The following MYO1A variants were observed in gnomAD, a reference collection of about 807,000 sequenced individuals.
MYO1A encodes myosin IA.
Under a neutral mutation model 138.5 loss-of-function variants are expected in MYO1A, and 127 were observed. The observed-to-expected ratio is 0.92, with a 90% CI of 0.79 to 1.06. MYO1A has a LOEUF of 1.06. Among genes scored for constraint, MYO1A ranks in the 50% least tolerant of loss-of-function variants. The pLI is 0.00. For synonymous variants in MYO1A, 477 were observed against 497.5 expected, an observed-to-expected ratio of 0.96 and a Z score of 0.55; for missense variants, 1,211 against 1,288.8, an observed-to-expected ratio of 0.94 and a Z score of 0.92.
At chr12:57,044,351 T>C in intron 8 of MYO1A, 142 bp from the exon 9 acceptor site, 1 of 714,170 alleles carries the variant, frequency 1.4e-6, no homozygotes, top group Non-Finnish European at 2.5e-6. Context: ...TTCCCCTGCC[T>C]CCTTTGTTTT....
chr12:57,034,363 T>C (rs1172010606), intron 22 of MYO1A, among the ~76,000 whole-genome samples: 4 of 152,320 alleles, frequency 2.6e-5, no homozygotes, highest in African/African-American at 2.4e-5. Flanking sequence ...GCTTAATGCA[T>C]AGTAGATGTT....
At position 57,028,855 on chromosome 12, in the gene MYO1A, CTG is replaced by C; in HGVS notation, c.3030_3031del (p.Asn1010LysfsTer14). On this transcript the variant is annotated frameshift_variant, in exon 28 of 28. Transcript: ENST00000300119. LOFTEE classifies it high-confidence loss of function. ...GCCCTGGACGACCTTGACAGCCACACTGTTCTCCTTGAACCTCACTGAGAACC... is the reference window on the plus strand; with the variant it reads ...GCCCTGGACGACCTTGACAGCCACACTTCTCCTTGAACCTCACTGAGAACC... 1.2e-6 allele frequency: 2 copies of C among 1,614,116 alleles called. No individual in the cohort carries two copies. The highest frequency in any genetic ancestry group is 1.7e-6 in the Non-Finnish European group (2 of 1,180,010).
At chr12:57,034,351 G>A (rs2030428697) in intron 22 of MYO1A, among the ~76,000 whole-genome samples, 1 of 152,224 alleles carries the variant, frequency 6.6e-6, no homozygotes, top group African/African-American at 2.4e-5. Context: ...TGCATGTAAA[G>A]AGCTTAATGC....
At chr12:57,033,779 T>G (rs2030400844) in intron 22 of MYO1A, among the ~76,000 whole-genome samples, 1 of 152,138 alleles carries the variant, frequency 6.6e-6, no homozygotes, top group Non-Finnish European at 1.5e-5. Flanking sequence ...TATGAAAAAG[T>G]TTTACTAAGA....
At chr12:57,030,355 G>A (rs2030219020) in intron 23 of MYO1A, 39 bp from the exon 24 acceptor site, 2 of 1,491,572 alleles carry the variant, frequency 1.3e-6, no homozygotes, top group African/African-American at 2.8e-5. Flanking sequence ...ATCATAGAGT[G>A]GGAGGGCAGG....
At chr12:57,050,917 C>G (rs1393218914), upstream of MYO1A, 7 of 152,340 alleles carry the variant, frequency 4.6e-5, no homozygotes, top group East Asian at 1.3e-3. Flanking sequence ...ATGCAGCTCC[C>G]TAAGTTTGCC....
intron 1 of MYO1A, among the ~76,000 whole-genome samples, chr12:57,048,889 T>G (rs537178533): frequency 6.6e-6 from 1 of 152,330 alleles, no homozygotes; most frequent in South Asian, 2.1e-4. Context: ...TCCTTCCCTG[T>G]CATTGCTACA....
intron 19 of MYO1A, 55 bp downstream of exon 19, chr12:57,037,493 G>A: frequency 6.7e-7 from 1 of 1,484,902 alleles, no homozygotes; most frequent in South Asian, 1.1e-5. Context: ...GCCTTTCTCA[G>A]GTGGGCTCTT....
Position 57,036,302 on chromosome 12 carries a change from C to T in MYO1A, c.2349+5G>A. ...CTAACATCCACCCTAACCCCTACCA[C>T]TTACCATGCTCTTGTAGATGAAATC... is the stretch of plus-strand genomic sequence containing the variant. On this transcript the variant is annotated splice_donor_5th_base_variant and intron_variant, in intron 22 of 27. Coordinates refer to ENST00000300119, the MANE Select transcript of MYO1A (RefSeq NM_005379.4). 1 of 1,613,582 alleles carries T rather than the reference C, an allele frequency of 6.2e-7. No individual in the cohort carries two copies.
Position 57,043,937 on chromosome 12 carries a change from C to T in MYO1A, c.811G>A (p.Val271Met). ...IRQVLEVTSM[V>M]LKLGNVLVAD... Reference sequence around the variant, plus strand: ...ACCAACACGTTCCCCAGCTTTAGCACCATGGATGTCACCTCTAGCACTTGT... The same window carrying T: ...ACCAACACGTTCCCCAGCTTTAGCATCATGGATGTCACCTCTAGCACTTGT... The change falls in exon 10 of 28, where the codon GTG (valine) becomes ATG (methionine). Residue 271 changes from valine (V) to methionine (M), a missense_variant. Transcript: ENST00000300119. 6.2e-7 allele frequency: 1 copy of T among 1,614,188 alleles called. No homozygotes were observed. Among genetic ancestry groups the T allele is most frequent in the Non-Finnish European group, 8.5e-7 (1 of 1,180,022 alleles).
rs143549106 is a variant in MYO1A, at chr12:57,043,292, C to G, written c.959G>C (p.Arg320Thr). Reference sequence around the variant, plus strand: ...CTTTTCCTTGGCTGTTTCCATGGTCCTCGAGCACAAAGCTCTCTCTACTTC... The same window carrying G: ...CTTTTCCTTGGCTGTTTCCATGGTCGTCGAGCACAAAGCTCTCTCTACTTC... ...SEEVERALCS[R>T]TMETAKEKVV... The change falls in exon 11 of 28, where the codon AGG (arginine) becomes ACG (threonine). Residue 320 changes from arginine (R) to threonine (T), a missense_variant. Transcript: ENST00000300119. 6.2e-7 allele frequency: 1 copy of G among 1,614,166 alleles called. No homozygotes were observed. Among genetic ancestry groups the G allele is most frequent in the South Asian group, 1.1e-5 (1 of 91,080 alleles).
chr12:57,043,224 C>A lies in MYO1A; in HGVS notation c.1011+16G>T. The A allele has an allele frequency of 6.2e-7, 1 of 1,613,888 alleles. No homozygotes were observed. The highest frequency in any genetic ancestry group is 8.5e-7 in the Non-Finnish European group (1 of 1,179,730). On this transcript the variant is annotated intron_variant, in intron 11 of 27. Transcript: ENST00000300119. ...CAGGGTCGAAACAGCCCCCTCCACT[C>A]CAGTGAGCTCCTTACCTGCATAACA... is the stretch of plus-strand genomic sequence containing the variant.
At chr12:57,038,725 C>T in intron 16 of MYO1A, 84 bp downstream of exon 16, 2 of 1,608,056 alleles carry the variant, frequency 1.2e-6, no homozygotes, top group South Asian at 2.2e-5. Context: ...GTATTCCAGA[C>T]TCTCACCTTC....
intron 1 of MYO1A, among the ~76,000 whole-genome samples, chr12:57,048,650 G>T (rs1055810443): frequency 2.0e-5 from 3 of 152,156 alleles, no homozygotes; most frequent in African/African-American, 7.2e-5. Context: ...GCTACAACTG[G>T]GGGAGCAGAG....
intron 1 of MYO1A, among the ~76,000 whole-genome samples, 160 bp from the exon 2 acceptor site, chr12:57,048,503 G>A (rs1350040108): frequency 1.3e-5 from 2 of 152,194 alleles, no homozygotes; most frequent in Non-Finnish European, 2.9e-5. Context: ...ACCAGCCCAA[G>A]CTAATAGGGA....
intron 22 of MYO1A, among the ~76,000 whole-genome samples, chr12:57,034,538 G>A (rs1360260533): frequency 6.6e-6 from 1 of 151,954 alleles, no homozygotes; most frequent in Non-Finnish European, 1.5e-5. Context: ...GCCAGGCGTG[G>A]TGGCATGTGC....
chr12:57,031,339 A>G (rs1217750353), intron 22 of MYO1A, among the ~76,000 whole-genome samples, 165 bp from the exon 23 acceptor site: 1 of 152,180 alleles, frequency 6.6e-6, no homozygotes, highest in Non-Finnish European at 1.5e-5. Flanking sequence ...GATCTTTTTC[A>G]GCAAGAGGTG....
In MYO1A at chr12:57,048,034, A is replaced by G. The variant is rs747489017; in HGVS notation, c.185T>C (p.Ile62Thr). 7.4e-6 allele frequency: 12 copies of G among 1,614,198 alleles called. No individual in the cohort carries two copies. Among genetic ancestry groups the G allele is most frequent in the Non-Finnish European group, 1.0e-5 (12 of 1,180,018 alleles). The change falls in exon 3 of 28, where the codon ATT becomes ACT. Residue 62 changes from isoleucine (I) to threonine (T), a missense_variant. By Grantham distance (89) the Ile-to-Thr change is moderately conservative. Transcript: ENST00000300119. ...QQLPIYGPEFIAKYQDYTFYE... is the reference protein window; with the variant it reads ...QQLPIYGPEFTAKYQDYTFYE... ...GAAAGTATAGTCTTGATATTTGGCAATGAACTCTGGCCCATAGATGGGAAG... is the reference window on the plus strand; with the variant it reads ...GAAAGTATAGTCTTGATATTTGGCAGTGAACTCTGGCCCATAGATGGGAAG...
At chr12:57,036,688 G>A (rs1420828862) in intron 21 of MYO1A, 84 bp downstream of exon 21, 2 of 1,517,032 alleles carry the variant, frequency 1.3e-6, no homozygotes, top group South Asian at 1.1e-5. Flanking sequence ...GTGCAGGCAG[G>A]ACTAGCTCTC....
Sources: gnomAD v4.1 joint callset for allele counts (sites outside exome capture counted in the v4.1 genomes callset) on GRCh38, gnomAD v4.1.1 for gene constraint, MANE v1.5 for transcripts, NCBI Gene and HGNC (gene_info 2026-07-23, HGNC 2026-07-21) for gene names.